HEXD: variants seen among roughly 807,000 people sequenced by gnomAD.
The protein encoded by HEXD is N-acetyl-beta-galactosaminidase.
Under a neutral mutation model 54.2 loss-of-function variants are expected in HEXD, and 47 were observed. That is an observed-to-expected ratio of 0.87 (90% CI 0.69 to 1.11). The LOEUF is 1.11. HEXD is among the 50% of genes least tolerant of loss of function. The probability of loss-of-function intolerance (pLI) is 0.00; values close to 1 mark genes in which losing one functional copy is unlikely to be tolerated. For synonymous variants in HEXD, 293 were observed against 287.6 expected, an observed-to-expected ratio of 1.02 and a Z score of -0.19; for missense variants, 576 against 649.2, an observed-to-expected ratio of 0.89 and a Z score of 1.23.
chr17:82,418,900 G>A (rs1183019782), intron 1 of HEXD, among the ~76,000 whole-genome samples, 160 bp downstream of exon 1: 1 of 152,180 alleles, frequency 6.6e-6, no homozygotes, highest in African/African-American at 2.4e-5. Flanking sequence ...TGCTGAGAGA[G>A]GCTCGCACAG....
In HEXD at chr17:82,434,028, C is replaced by T. The variant is rs2053687424; in HGVS notation, c.447+206C>T. On this transcript the variant is annotated intron_variant, in intron 5 of 12. Transcript: ENST00000327949. The surrounding 1 kb of genome is among the most constrained non-coding windows in gnomAD (Gnocchi z 4.5). ...CCGAGGGAGGCACCCTCGTGTCAGA[C>T]GCGTCCAACATCTTCTCCGGGTGGA... is the stretch of plus-strand genomic sequence containing the variant. Among the ~76,000 whole-genome samples, 2 of 152,114 alleles carry T rather than the reference C, an allele frequency of 1.3e-5. No individual in the cohort carries two copies. Among genetic ancestry groups the T allele is most frequent in the Admixed American group, 6.5e-5 (1 of 15,284 alleles).
intron 2 of HEXD, among the ~76,000 whole-genome samples, chr17:82,421,689 G>T (rs2053239680): frequency 6.6e-6 from 1 of 152,128 alleles, no homozygotes; most frequent in Admixed American, 6.5e-5. Flanking sequence ...AGCAAGGCAT[G>T]GTGACACATG....
intron 4 of HEXD, 122 bp downstream of exon 4, chr17:82,428,767 C>T (rs1483826992): frequency 1.0e-5 from 8 of 779,264 alleles, no homozygotes; most frequent in Non-Finnish European, 1.8e-5. Context: ...GGCAGCGCAG[C>T]TCAGCACAAC....
intron 2 of HEXD, among the ~76,000 whole-genome samples, chr17:82,423,115 A>G (rs1286598709): frequency 2.0e-5 from 3 of 152,164 alleles, no homozygotes; most frequent in South Asian, 2.1e-4. Context: ...AGAAGATCCA[A>G]CTTACACACA....
chr17:82,440,439 T>A, intron 9 of HEXD: 1 of 662,522 alleles, frequency 1.5e-6, no homozygotes, highest in Non-Finnish European at 2.2e-6. Flanking sequence ...TACCCCACAC[T>A]AAAGAGCTGT....
At position 82,435,766 on chromosome 17, in the gene HEXD, G is replaced by A. The variant is rs201144174; in HGVS notation, c.525G>A (p.Leu175=). 21 of 1,612,976 alleles carry A rather than the reference G, an allele frequency of 1.3e-5. No homozygotes were observed. The highest frequency in any genetic ancestry group is 3.3e-4 in the Middle Eastern group (2 of 6,062). The stretch of plus-strand genomic sequence containing the variant: ...AGAACAGCACGGGGAAGTTGTGCCT[G>A]TCACACATGCGGGCGGTGGCCAGCG... ...QEQNSTGKLC[L]SHMRAVASGV... Residue 175 remains leucine (L), a synonymous_variant, in exon 6 of 13, where the codon CTG becomes CTA. Coordinates refer to ENST00000327949, the MANE Select transcript of HEXD (RefSeq NM_001330542.2).
At chr17:82,439,825 C>T in intron 9 of HEXD, 112 bp downstream of exon 9, 1 of 1,582,568 alleles carries the variant, frequency 6.3e-7, no homozygotes, top group Non-Finnish European at 8.5e-7. Context: ...TGGTGGTCCT[C>T]ACAGTCGGAG....
chr17:82,421,319 T>G (rs1357130935), intron 2 of HEXD, among the ~76,000 whole-genome samples: 2 of 151,908 alleles, frequency 1.3e-5, no homozygotes, highest in Non-Finnish European at 2.9e-5. Flanking sequence ...CGCCCCCCAC[T>G]AAGGACAAAA....
chr17:82,436,607 C>G, intron 6 of HEXD, 60 bp from the exon 7 acceptor site: 1 of 1,418,388 alleles, frequency 7.1e-7, no homozygotes. Flanking sequence ...ACAGGTGGGT[C>G]CGAGGGGCTG....
At chr17:82,438,026 C>A (rs1025042865) in intron 8 of HEXD, among the ~76,000 whole-genome samples, 2 of 152,110 alleles carry the variant, frequency 1.3e-5, no homozygotes, top group Admixed American at 6.5e-5. Flanking sequence ...CACCTGAGGT[C>A]CAGAGTTCGT....
intron 3 of HEXD, chr17:82,425,371 G>C (rs1283157070): frequency 5.6e-6 from 1 of 180,100 alleles, no homozygotes; most frequent in Non-Finnish European, 1.2e-5. Flanking sequence ...GAGGAGGCTG[G>C]AGAAGGCTGG....
chr17:82,437,369 T>C lies in HEXD; in HGVS notation c.899+6T>C, dbSNP rs768925816. 5.7e-6 allele frequency: 9 copies of C among 1,580,486 alleles called. No individual in the cohort carries two copies. Among genetic ancestry groups the C allele is most frequent in the African/African-American group, 1.3e-5 (1 of 74,446 alleles). On this transcript the variant is annotated splice_donor_region_variant and intron_variant, in intron 8 of 12. Coordinates refer to ENST00000327949, the MANE Select transcript of HEXD (RefSeq NM_001330542.2). ...ATCCTGACCGGCTGGCAGAGGTAAG[T>C]CCTGGCCAGTCTGTCCTCAGAGGGT...
At chr17:82,427,760 AC>A (rs1433628110) in intron 3 of HEXD, among the ~76,000 whole-genome samples, 1 of 152,258 alleles carries the variant, frequency 6.6e-6, no homozygotes, top group East Asian at 1.9e-4. Flanking sequence ...TCAAACACAT[AC>A]AAAAACTAGA....
At chr17:82,430,843 G>C (rs879357414) in intron 4 of HEXD, among the ~76,000 whole-genome samples, 2 of 151,784 alleles carry the variant, frequency 1.3e-5, no homozygotes, top group Admixed American at 1.3e-4. Flanking sequence ...AGAGCTACAT[G>C]CTTCTGGTGT....
chr17:82,425,158 A>T (rs12939705), intron 3 of HEXD, among the ~76,000 whole-genome samples: 1 of 100,602 alleles, frequency 9.9e-6, no homozygotes. Context: ...GGAGGAGGCT[A>T]GAGAAGGCTG....
At chr17:82,436,570 G>T (rs1353120079) in intron 6 of HEXD, 97 bp from the exon 7 acceptor site, 2 of 959,982 alleles carry the variant, frequency 2.1e-6, no homozygotes, top group African/African-American at 1.6e-5. Flanking sequence ...AAAGGTATCT[G>T]TGCTCACACT....
intron 4 of HEXD, among the ~76,000 whole-genome samples, chr17:82,430,345 C>T (rs768789318): frequency 2.0e-5 from 3 of 152,226 alleles, no homozygotes; most frequent in African/African-American, 4.8e-5. Flanking sequence ...TGGTTTCTTA[C>T]TGAGGAAGAC....
rs1049232275 is a variant in HEXD, at chr17:82,423,836, A to G, written c.85-558A>G. ...TCAAAAAAAAAAAAAAAAGAGAGAAAGACAAGGAAGTGGGGAGGAGAATAA... is the reference window on the plus strand; with the variant it reads ...TCAAAAAAAAAAAAAAAAGAGAGAAGGACAAGGAAGTGGGGAGGAGAATAA... On this transcript the variant is annotated intron_variant, in intron 2 of 12. Coordinates refer to ENST00000327949, the MANE Select transcript of HEXD (RefSeq NM_001330542.2). Among the ~76,000 whole-genome samples the G allele has an allele frequency of 5.9e-5, 9 of 151,368 alleles. No homozygotes were observed. The South Asian group carries it at 8.3e-4, about 14-fold the overall frequency.
At chr17:82,433,015 G>T (rs1185234963) in intron 4 of HEXD, among the ~76,000 whole-genome samples, 4 of 129,920 alleles carry the variant, frequency 3.1e-5, no homozygotes, top group African/African-American at 1.2e-4. Context: ...GTAGTGAGCC[G>T]AGATCATGCC....
Sources: gnomAD v4.1 joint callset for allele counts (sites outside exome capture counted in the v4.1 genomes callset) on GRCh38, gnomAD v4.1.1 for gene constraint, Gnocchi (gnomAD v3.1) non-coding constraint, MANE v1.5 for transcripts, NCBI Gene and HGNC (gene_info 2026-07-23, HGNC 2026-07-21) for gene names.